The following SF3B6 variants were observed in gnomAD, a reference collection of about 807,000 sequenced individuals.
The protein encoded by SF3B6 is SF3b 14 kDa subunit.
In SF3B6, 3 loss-of-function variants were observed where a neutral mutation model predicts 15.9. The observed-to-expected ratio is 0.19, with a 90% CI of 0.09 to 0.49. The LOEUF (loss-of-function observed/expected upper bound fraction) is 0.49. SF3B6 is among the 20% of genes least tolerant of loss of function. The probability of loss-of-function intolerance (pLI) is 0.97; values close to 1 mark genes in which losing one functional copy is unlikely to be tolerated. For missense variants in SF3B6, 71 were observed against 154.3 expected (o/e 0.46, Z 2.86); for synonymous variants, 49 against 51.1 (o/e 0.96, Z 0.18).
At position 24,074,563 on chromosome 2, in the gene SF3B6, T is replaced by A. The variant is rs1355477208; in HGVS notation, c.31-369A>T. Among the ~76,000 whole-genome samples, 3 of 152,054 alleles carry A rather than the reference T, an allele frequency of 2.0e-5. No homozygotes were observed. The East Asian group carries it at 5.8e-4, about 29-fold the overall frequency. ...CCTTTGCAAACCTTACCACCATCAC[T>A]CCTGCTAACACCTGAGTTGGGCTGT... On this transcript the variant is annotated intron_variant, in intron 1 of 3. Transcript: ENST00000233468.
chr2:24,067,916 CATT>C, intron 3 of SF3B6, 65 bp from the exon 4 acceptor site: 1 of 1,363,352 alleles, frequency 7.3e-7, no homozygotes, highest in African/African-American at 1.4e-5. Context: ...TCATCAATAG[CATT>C]AGCCAAAAAA....
chr2:24,075,627 T>C (rs984845531), intron 1 of SF3B6, among the ~76,000 whole-genome samples: 14 of 151,676 alleles, frequency 9.2e-5, no homozygotes, highest in African/African-American at 3.4e-4. Context: ...TCTCAAACAC[T>C]AGAATGTAAG....
chr2:24,069,260 A>G (rs1195220599), intron 2 of SF3B6, among the ~76,000 whole-genome samples: 1 of 152,250 alleles, frequency 6.6e-6, no homozygotes, highest in Non-Finnish European at 1.5e-5. Flanking sequence ...GGATAGGGTT[A>G]TCAGTGAGCC....
In SF3B6 at chr2:24,074,080, T is replaced by A. The variant is rs1664695928; in HGVS notation, c.145A>T (p.Arg49Ter). 2 of 1,541,384 alleles carry A rather than the reference T, an allele frequency of 1.3e-6. No individual in the cohort carries two copies. The highest frequency in any genetic ancestry group is 1.4e-5 in the African/African-American group (1 of 73,386). The part of the protein sequence containing the change: ...FGKYGPIRQI[R>*]VGNTPETRGT... ...AAATGACTCAGTAAGACTCACACTCTGATTTGACGAATAGGTCCATATTTC... is the reference window on the plus strand; with the variant it reads ...AAATGACTCAGTAAGACTCACACTCAGATTTGACGAATAGGTCCATATTTC... The change falls in exon 2 of 4, where the codon AGA (arginine) becomes TGA (stop). Residue 49 changes from arginine (R) to a stop codon, truncating the protein, a stop_gained. Transcript: ENST00000233468. LOFTEE classifies it high-confidence loss of function.
chr2:24,074,983 G>A (rs558291383), intron 1 of SF3B6, among the ~76,000 whole-genome samples: 1 of 152,122 alleles, frequency 6.6e-6, no homozygotes, highest in Non-Finnish European at 1.5e-5. Flanking sequence ...ACAAAAATTA[G>A]CCGGGCATGG....
rs920406294 is a variant in SF3B6, at chr2:24,067,727, G to A, written c.*35C>T. On this transcript the variant is annotated 3_prime_UTR_variant, in exon 4 of 4. Transcript: ENST00000233468. ...GAAAAAAAGGTGGTAGTTGTCATTCGTGGGATTTAGTCCAAATGAAAATGT... is the reference window on the plus strand; with the variant it reads ...GAAAAAAAGGTGGTAGTTGTCATTCATGGGATTTAGTCCAAATGAAAATGT... 1.2e-5 allele frequency: 19 copies of A among 1,538,916 alleles called. No homozygotes were observed. Among genetic ancestry groups the A allele is most frequent in the African/African-American group, 1.1e-4 (8 of 72,762 alleles).
intron 1 of SF3B6, among the ~76,000 whole-genome samples, chr2:24,075,339 T>G (rs949149821): frequency 1.1e-5 from 1 of 86,960 alleles, no homozygotes; most frequent in African/African-American, 3.8e-5. Context: ...TGTCTTTTCT[T>G]TCTTTCTTTC....
intron 2 of SF3B6, among the ~76,000 whole-genome samples, chr2:24,070,465 C>T (rs1313452593): frequency 6.6e-6 from 1 of 152,176 alleles, no homozygotes; most frequent in African/African-American, 2.4e-5. Context: ...AACACCTAAG[C>T]GTGTAACTTA....
intron 2 of SF3B6, chr2:24,073,875 T>C (rs1024135673): frequency 5.3e-5 from 25 of 472,920 alleles, no homozygotes; most frequent in East Asian, 3.8e-5. Flanking sequence ...TTGGCTCTCA[T>C]TGAGCTGGAT....
intron 2 of SF3B6, chr2:24,073,835 G>T (rs1307919957): frequency 2.9e-6 from 1 of 344,232 alleles, no homozygotes; most frequent in Non-Finnish European, 5.2e-6. Context: ...CTACTTCAAT[G>T]AATGCTTTGA....
intron 3 of SF3B6, 151 bp from the exon 4 acceptor site, chr2:24,068,002 G>A: frequency 4.1e-6 from 3 of 736,550 alleles, no homozygotes; most frequent in Admixed American, 5.0e-5. Context: ...TCTCTCTGTT[G>A]CCCAGGCTGG....
At position 24,075,350 on chromosome 2, in the gene SF3B6, T is replaced by TG. The variant is rs1163525609; in HGVS notation, c.30+849_30+850insC. On this transcript the variant is annotated intron_variant, in intron 1 of 3. Coordinates refer to ENST00000233468, the MANE Select transcript of SF3B6 (RefSeq NM_016047.4). ...TGCTTGTCTTTTCTTTCTTTCTTTC[T>TG]TTCTTTCTGTTTTTTTTTTTTTTTT... Among the ~76,000 whole-genome samples, 1,191 of 140,260 alleles carry TG rather than the reference T, an allele frequency of 8.5e-3. 8 individuals are homozygous for TG. The highest frequency in any genetic ancestry group is 0.021 in the South Asian group (92 of 4,438). 92.0% of individuals were successfully genotyped at this position (140,260 alleles called of 152,430 possible).
chr2:24,069,737 T>C (rs1194446323), intron 2 of SF3B6, among the ~76,000 whole-genome samples: 1 of 152,112 alleles, frequency 6.6e-6, no homozygotes, highest in Non-Finnish European at 1.5e-5. Context: ...AATAGGGTAC[T>C]GGGGGTGATT....
chr2:24,075,687 T>C (rs1016069297), intron 1 of SF3B6, among the ~76,000 whole-genome samples: 1 of 151,906 alleles, frequency 6.6e-6, no homozygotes, highest in Admixed American at 6.6e-5. Flanking sequence ...GTAAGACTAG[T>C]GTCTGGCACA....
At chr2:24,074,268 T>G (rs1664699001) in intron 1 of SF3B6, 74 bp from the exon 2 acceptor site, 1 of 701,378 alleles carries the variant, frequency 1.4e-6, no homozygotes, top group Admixed American at 2.9e-5. Context: ...GCCCCTATAA[T>G]TAGGGGCATT....
At chr2:24,071,242 C>T (rs1664647691) in intron 2 of SF3B6, among the ~76,000 whole-genome samples, 1 of 152,304 alleles carries the variant, frequency 6.6e-6, no homozygotes, top group Non-Finnish European at 1.5e-5. Flanking sequence ...CTGCCCACTT[C>T]AGCCTTCCAA....
intron 1 of SF3B6, among the ~76,000 whole-genome samples, chr2:24,074,851 G>T (rs1392444623): frequency 6.6e-6 from 1 of 152,080 alleles, no homozygotes; most frequent in African/African-American, 2.4e-5. Flanking sequence ...CTATCTGGCC[G>T]GGTGCGGTGG....
intron 3 of SF3B6, 79 bp from the exon 4 acceptor site, chr2:24,067,930 G>A: frequency 8.6e-7 from 1 of 1,163,708 alleles, no homozygotes; most frequent in Non-Finnish European, 1.3e-6. Flanking sequence ...AGCCAAAAAA[G>A]AAAGTCATAG....
chr2:24,074,169 C>T lies in SF3B6; in HGVS notation c.56G>A (p.Arg19Gln). 1 of 1,597,212 alleles carries T rather than the reference C, an allele frequency of 6.3e-7. No individual in the cohort carries two copies. The highest frequency in any genetic ancestry group is 8.6e-7 in the Non-Finnish European group (1 of 1,166,900). ...ANIRLPPEVN[R>Q]ILYIRNLPYK... ...TGGCAAATTTCTTATATACAATATCCGATTTACTTCAGGTGGAAGTCGAAT... is the reference window on the plus strand; with the variant it reads ...TGGCAAATTTCTTATATACAATATCTGATTTACTTCAGGTGGAAGTCGAAT... The change falls in exon 2 of 4, where the codon CGG (arginine) becomes CAG (glutamine). Residue 19 changes from arginine to glutamine, a missense_variant. Physicochemically the swap from Arg to Gln is conservative, Grantham distance 43 (BLOSUM62 1). Around this residue, in one of 3 missense-constraint regions of SF3B6, gnomAD observed 17 missense variants for 19.9 expected, o/e 0.86. Coordinates refer to ENST00000233468, the MANE Select transcript of SF3B6 (RefSeq NM_016047.4).
Sources: gnomAD v4.1 joint callset for allele counts (sites outside exome capture counted in the v4.1 genomes callset) on GRCh38, gnomAD v4.1.1 for gene constraint, gnomAD v4.1.1 regional missense constraint, MANE v1.5 for transcripts, NCBI Gene and HGNC (gene_info 2026-07-23, HGNC 2026-07-21) for gene names.